C12orf42: variants seen among roughly 807,000 people sequenced by gnomAD.
C12orf42 encodes the protein chromosome 12 open reading frame 42, also known as uncharacterized protein C12orf42.
In C12orf42, 25 loss-of-function variants were observed where a neutral mutation model predicts 21.6. The observed-to-expected ratio is 1.16, with a 90% CI of 0.84 to 1.62. The LOEUF (loss-of-function observed/expected upper bound fraction) is 1.62, where lower values mean the gene tolerates loss of function less well. Among genes scored for constraint, C12orf42 ranks in the 40% most tolerant of loss-of-function variants. The probability of loss-of-function intolerance (pLI) is 0.00; values close to 1 mark genes in which losing one functional copy is unlikely to be tolerated. For missense variants in C12orf42, 483 were observed against 459.3 expected (o/e 1.05, Z -0.47); for synonymous variants, 174 against 175.0 (o/e 0.99, Z 0.05).
chr12:103,555,920 C>G, the C12orf42 span, among the ~76,000 whole-genome samples: 1 of 152,036 alleles, frequency 6.6e-6, no homozygotes, highest in African/African-American at 2.4e-5. Context: ...GTCCTGTGTG[C>G]AGGACAGCAG....
chr12:103,306,166 T>C lies in C12orf42; in HGVS notation c.439A>G (p.Arg147Gly). 7 of 1,613,956 alleles carry C rather than the reference T, an allele frequency of 4.3e-6. No homozygotes were observed. The highest frequency in any genetic ancestry group is 5.9e-6 in the Non-Finnish European group (7 of 1,179,876). ...CTGGCTCTCTCCTCAGTTTCTCCTCTGGCAGTAAAAATCAATGGGGCCTCA... is the reference window on the plus strand; with the variant it reads ...CTGGCTCTCTCCTCAGTTTCTCCTCCGGCAGTAAAAATCAATGGGGCCTCA... ...TDEAPLIFTA[R>G]GETEERARGA... Residue 147 changes from arginine (R) to glycine (G), a missense_variant, in exon 5 of 6, where the codon AGA becomes GGA. Coordinates refer to ENST00000548883, the MANE Select transcript of C12orf42 (RefSeq NM_198521.5).
intron 2 of C12orf42, among the ~76,000 whole-genome samples, chr12:103,440,606 T>G (rs1951167910): frequency 6.6e-6 from 1 of 152,156 alleles, no homozygotes; most frequent in Admixed American, 6.5e-5. Flanking sequence ...GTGTTTTATG[T>G]GCACTACAAA....
intron 2 of C12orf42, among the ~76,000 whole-genome samples, chr12:103,440,301 T>C (rs1951105912): frequency 7.2e-6 from 1 of 139,780 alleles, no homozygotes; most frequent in African/African-American, 2.6e-5. Context: ...GAGATATACC[T>C]AATGCTAGAT....
the C12orf42 span, among the ~76,000 whole-genome samples, chr12:103,053,850 G>A: frequency 1.3e-5 from 2 of 151,806 alleles, no homozygotes; most frequent in South Asian, 2.1e-4. Context: ...TGCTGAAAAG[G>A]CTATCTTTTC....
downstream of C12orf42, among the ~76,000 whole-genome samples, chr12:103,235,139 T>C (rs1487063637): frequency 3.9e-5 from 6 of 152,212 alleles, no homozygotes; most frequent in Non-Finnish European, 5.9e-5. Context: ...TAAATACTTC[T>C]GACATTTTTA....
At chr12:103,233,820 T>G (rs999774055), downstream of C12orf42, among the ~76,000 whole-genome samples, 1 of 152,214 alleles carries the variant, frequency 6.6e-6, no homozygotes, top group Non-Finnish European at 1.5e-5. Flanking sequence ...TTTATTTTGT[T>G]CTTATTGCAT....
chr12:103,486,363 G>T (rs553803496), intron 1 of C12orf42, among the ~76,000 whole-genome samples: 1 of 152,268 alleles, frequency 6.6e-6, no homozygotes, highest in Admixed American at 6.5e-5. Context: ...TGTGCTGCTG[G>T]ATTCGGTTTG....
the C12orf42 span, among the ~76,000 whole-genome samples, chr12:103,531,352 T>A: frequency 1.3e-5 from 2 of 152,204 alleles, no homozygotes; most frequent in Admixed American, 1.3e-4. Flanking sequence ...GTCCTAAAAT[T>A]GTGCATGTGG....
intron 4 of C12orf42, among the ~76,000 whole-genome samples, chr12:103,367,758 A>T (rs2044748858): frequency 6.6e-6 from 1 of 151,928 alleles, no homozygotes; most frequent in South Asian, 2.1e-4. Context: ...GAACCATGTA[A>T]ATGTATTATC....
the C12orf42 span, among the ~76,000 whole-genome samples, chr12:103,072,974 A>G: frequency 6.6e-6 from 1 of 152,208 alleles, no homozygotes; most frequent in East Asian, 1.9e-4. Context: ...TGGTACATAT[A>G]CATCATGAAA....
chr12:103,434,799 T>C (rs1297333751), intron 2 of C12orf42, among the ~76,000 whole-genome samples: 1 of 152,124 alleles, frequency 6.6e-6, no homozygotes, highest in Non-Finnish European at 1.5e-5. Flanking sequence ...GAGATCAAAC[T>C]GCAAGGCGGC....
chr12:103,183,295 T>C, the C12orf42 span, among the ~76,000 whole-genome samples: 1 of 152,182 alleles, frequency 6.6e-6, no homozygotes, highest in Non-Finnish European at 1.5e-5. Context: ...TTGGCCAGGG[T>C]GGTCTCGATC....
the C12orf42 span, among the ~76,000 whole-genome samples, chr12:103,170,251 T>G: frequency 7.2e-4 from 110 of 152,308 alleles, 1 homozygote; most frequent in African/African-American, 2.6e-3. Flanking sequence ...TGACATTAAA[T>G]AGCCTGCATA....
chr12:103,129,188 G>A, the C12orf42 span, among the ~76,000 whole-genome samples: 2 of 152,202 alleles, frequency 1.3e-5, no homozygotes, highest in Non-Finnish European at 2.9e-5. Context: ...GGACTAGAGG[G>A]TAGAAACACG....
chr12:103,360,514 T>C (rs560809949), intron 4 of C12orf42, among the ~76,000 whole-genome samples: 4 of 152,072 alleles, frequency 2.6e-5, no homozygotes, highest in Non-Finnish European at 5.9e-5. Context: ...GAGCAAATCA[T>C]GTAATTATAA....
chr12:103,540,009 T>C, the C12orf42 span, among the ~76,000 whole-genome samples: 1 of 152,084 alleles, frequency 6.6e-6, no homozygotes, highest in South Asian at 2.1e-4. Flanking sequence ...GTTTTTGTTT[T>C]TGTTTTTGTT....
the C12orf42 span, among the ~76,000 whole-genome samples, chr12:103,196,248 A>G: frequency 4.6e-5 from 7 of 151,972 alleles, no homozygotes; most frequent in African/African-American, 1.7e-4. Context: ...GTTTTGGGAG[A>G]TCTTCTTGCT....
the C12orf42 span, among the ~76,000 whole-genome samples, chr12:103,155,516 A>T: frequency 0.017 from 2,546 of 152,222 alleles, 81 homozygotes; most frequent in African/African-American, 0.059. Context: ...GTGGGGACAC[A>T]TTGGAGCTGC....
the C12orf42 span, among the ~76,000 whole-genome samples, chr12:103,507,293 C>T: frequency 2.5e-5 from 2 of 79,462 alleles, no homozygotes; most frequent in Non-Finnish European, 4.4e-5. Context: ...TTTTTTTTAA[C>T]TGCGTTATGC....
Sources: gnomAD v4.1 joint callset for allele counts (sites outside exome capture counted in the v4.1 genomes callset) on GRCh38, gnomAD v4.1.1 for gene constraint, MANE v1.5 for transcripts, NCBI Gene and HGNC (gene_info 2026-07-23, HGNC 2026-07-21) for gene names.